Variants in RXRG observed in about 807,000 individuals in gnomAD.
RXRG encodes the protein retinoic acid receptor RXR-gamma.
In RXRG, 19 loss-of-function variants were observed where a neutral mutation model predicts 49.2. The ratio of observed to expected loss-of-function variants is 0.39; its 90% CI spans 0.27 to 0.57. The LOEUF is 0.57. Among genes scored for constraint, RXRG ranks in the 20% least tolerant of loss-of-function variants. The pLI is 0.64. For synonymous variants in RXRG, 224 were observed against 216.6 expected, an observed-to-expected ratio of 1.03 and a Z score of -0.30; for missense variants, 452 against 592.5, an observed-to-expected ratio of 0.76 and a Z score of 2.46.
At chr1:165,407,808 G>T (rs1657803312) in intron 8 of RXRG, among the ~76,000 whole-genome samples, 1 of 151,146 alleles carries the variant, frequency 6.6e-6, no homozygotes, top group Non-Finnish European at 1.5e-5. Context: ...CCCCATCTCG[G>T]TGAATAAGAA....
intron 9 of RXRG, among the ~76,000 whole-genome samples, chr1:165,404,974 G>A (rs1274004476): frequency 6.6e-6 from 1 of 152,130 alleles, no homozygotes; most frequent in Non-Finnish European, 1.5e-5. Context: ...GGTCAGGCTG[G>A]TCTTGAACAA....
rs551393945 is a variant in RXRG, at chr1:165,421,984, C to T, written c.298-1970G>A. Among the ~76,000 whole-genome samples the T allele has an allele frequency of 7.2e-5, 11 of 152,306 alleles. No individual in the cohort carries two copies. The South Asian group carries it at 1.0e-3, about 14-fold the overall frequency. On this transcript the variant is annotated intron_variant, in intron 2 of 9. Coordinates refer to ENST00000359842, the MANE Select transcript of RXRG (RefSeq NM_006917.5). ...GGATCCGACTCATGAAATGGAAGAA[C>T]TTTAGGTCAGATGACCCCACAGAGA...
At chr1:165,434,467 G>T (rs1015322433) in intron 1 of RXRG, among the ~76,000 whole-genome samples, 3 of 152,218 alleles carry the variant, frequency 2.0e-5, no homozygotes, top group African/African-American at 7.2e-5. Flanking sequence ...AGACAAGGGA[G>T]CAAATGGCCT....
intron 2 of RXRG, among the ~76,000 whole-genome samples, chr1:165,426,102 A>G (rs1256842336): frequency 6.6e-6 from 1 of 152,216 alleles, no homozygotes; most frequent in East Asian, 1.9e-4. Flanking sequence ...AAGGGTTTGG[A>G]CAGAATGAGT....
intron 4 of RXRG, among the ~76,000 whole-genome samples, chr1:165,413,148 G>C (rs1262865140): frequency 2.6e-5 from 4 of 152,130 alleles, no homozygotes; most frequent in Admixed American, 6.5e-5. Flanking sequence ...AAGTCTTCCT[G>C]TCATAAATGA....
chr1:165,425,155 C>A (rs898862954), intron 2 of RXRG, among the ~76,000 whole-genome samples: 1 of 152,230 alleles, frequency 6.6e-6, no homozygotes, highest in Admixed American at 6.5e-5. Context: ...ACTCACACAG[C>A]TCTGAAGATG....
At chr1:165,430,479 C>T (rs1258331927) in intron 1 of RXRG, among the ~76,000 whole-genome samples, 2 of 152,192 alleles carry the variant, frequency 1.3e-5, no homozygotes, top group African/African-American at 2.4e-5. Context: ...AAATGTCAAC[C>T]TGCAGTTTCT....
chr1:165,402,095 T>C (rs1657593699), intron 9 of RXRG, among the ~76,000 whole-genome samples: 2 of 152,116 alleles, frequency 1.3e-5, no homozygotes, highest in East Asian at 3.9e-4. Flanking sequence ...ACCAATTTTT[T>C]TTTTTTGAGA....
chr1:165,422,636 G>A (rs557304638), intron 2 of RXRG, among the ~76,000 whole-genome samples: 16 of 152,294 alleles, frequency 1.1e-4, no homozygotes, highest in African/African-American at 3.6e-4. Flanking sequence ...TGAGAAGTGC[G>A]CTATGACAAA....
In RXRG at chr1:165,408,209, G is replaced by A. The variant is rs1482295729; in HGVS notation, c.1138+18C>T. 3 of 1,594,202 alleles carry A rather than the reference G, an allele frequency of 1.9e-6. No individual in the cohort carries two copies. The highest frequency in any genetic ancestry group is 2.2e-5 in the East Asian group (1 of 44,806). ...GAGGGCTGAACACACACATCCCCTG[G>A]GGTTGAAGGGCGGTTACCTGGGTTA... On this transcript the variant is annotated intron_variant, in intron 8 of 9. Transcript: ENST00000359842.
intron 4 of RXRG, among the ~76,000 whole-genome samples, chr1:165,414,256 C>A (rs1658053422): frequency 6.6e-6 from 1 of 152,194 alleles, no homozygotes; most frequent in Non-Finnish European, 1.5e-5. Flanking sequence ...CTTTCTGTTT[C>A]TCCACATTCT....
Position 165,428,890 on chromosome 1 carries a change from G to T in RXRG, c.126C>A (p.His42Gln). The change falls in exon 2 of 10, where the codon CAC becomes CAA. Residue 42 changes from histidine (H) to glutamine (Q), a missense_variant. By Grantham distance (24) the His-to-Gln change is conservative. Around this residue, in one of 2 missense-constraint regions of RXRG, gnomAD observed 166 missense variants for 151.7 expected, o/e 1.09. Coordinates refer to ENST00000359842, the MANE Select transcript of RXRG (RefSeq NM_006917.5). ...TCACTGGGGTATCTGTGTAGCTGGG[G>T]TGGCTGTCCATTGGCTTCCCTGTGG... ...ALSTGKPMDS[H>Q]PSYTDTPVSA... is the part of the protein sequence containing the mutation. 6.2e-7 allele frequency: 1 copy of T among 1,614,052 alleles called. No homozygotes were observed. The highest frequency in any genetic ancestry group is 8.5e-7 in the Non-Finnish European group (1 of 1,179,982).
chr1:165,439,550 A>C (rs76428065), intron 1 of RXRG, among the ~76,000 whole-genome samples: 3,062 of 152,302 alleles, frequency 0.02, 97 homozygotes, highest in African/African-American at 0.07. Flanking sequence ...TCATTCTCAC[A>C]TTCCCACTGA....
At chr1:165,414,869 T>C (rs935532197) in intron 4 of RXRG, among the ~76,000 whole-genome samples, 7 of 152,022 alleles carry the variant, frequency 4.6e-5, no homozygotes, top group African/African-American at 1.7e-4. Flanking sequence ...AATGAATGAG[T>C]CATTTTTAGG....
intron 3 of RXRG, among the ~76,000 whole-genome samples, chr1:165,418,012 G>A (rs1211728466): frequency 6.6e-6 from 1 of 151,172 alleles, no homozygotes; most frequent in Admixed American, 6.6e-5. Context: ...TCCAGAGGCT[G>A]AGGTATGGGA....
chr1:165,433,000 C>T (rs982092212), intron 1 of RXRG, among the ~76,000 whole-genome samples: 2 of 152,108 alleles, frequency 1.3e-5, no homozygotes, highest in Admixed American at 1.3e-4. Flanking sequence ...CATGAGGGCA[C>T]CACCCTCATA....
chr1:165,444,708 C>CTA, intron 1 of RXRG, 137 bp downstream of exon 1: 2 of 749,662 alleles, frequency 2.7e-6, no homozygotes, highest in Non-Finnish European at 4.6e-6. Context: ...CGCTGAAACG[C>CTA]TATATACACA....
chr1:165,412,272 G>C (rs1657978990), intron 4 of RXRG, among the ~76,000 whole-genome samples: 1 of 152,154 alleles, frequency 6.6e-6, no homozygotes, highest in Non-Finnish European at 1.5e-5. Flanking sequence ...AAACTTAGTG[G>C]AGATACGCCA....
intron 9 of RXRG, among the ~76,000 whole-genome samples, chr1:165,402,370 GC>G (rs1358892845): frequency 3.9e-5 from 6 of 152,208 alleles, no homozygotes; most frequent in Non-Finnish European, 8.8e-5. Context: ...ACAGGCGTGA[GC>G]CACCGCACCC....
Sources: allele counts gnomAD v4.1 joint callset (sites outside exome capture counted in the v4.1 genomes callset), GRCh38; gene constraint gnomAD v4.1.1; regional missense constraint gnomAD v4.1.1; transcripts MANE v1.5; gene names NCBI Gene and HGNC (gene_info 2026-07-23, HGNC 2026-07-21).